MAP3K11: variants seen among roughly 807,000 people sequenced by gnomAD.
MAP3K11 encodes SH3 domain-containing proline-rich kinase.
Under a neutral mutation model 84.9 loss-of-function variants are expected in MAP3K11, and 46 were observed. The observed-to-expected ratio is 0.54, with a 90% CI of 0.43 to 0.69. MAP3K11 has a LOEUF of 0.69. Among genes scored for constraint, MAP3K11 ranks in the 30% least tolerant of loss-of-function variants. The pLI is 0.00. For synonymous variants in MAP3K11, 527 were observed against 514.7 expected, an observed-to-expected ratio of 1.02 and a Z score of -0.32; for missense variants, 1,053 against 1,198.3, an observed-to-expected ratio of 0.88 and a Z score of 1.79.
Position 65,606,720 on chromosome 11 carries a change from G to C in MAP3K11, c.1574C>G (p.Pro525Arg). The C allele has an allele frequency of 6.2e-7, 1 of 1,602,324 alleles. No homozygotes were observed. Among genetic ancestry groups the C allele is most frequent in the South Asian group, 1.1e-5 (1 of 88,652 alleles). The stretch of plus-strand genomic sequence containing the variant: ...GATGGCTCGGAACCGGGGAAAGGTG[G>C]GCGAATCCCCAGGCCCGACCTCGAA... Reference protein sequence around the residue: ...NVFEVGPGDSPTFPRFRAIQL... With the variant: ...NVFEVGPGDSRTFPRFRAIQL... Residue 525 changes from proline (P) to arginine (R), a missense_variant, in exon 6 of 10, where the codon CCC becomes CGC. Coordinates refer to ENST00000309100, the MANE Select transcript of MAP3K11 (RefSeq NM_002419.4).
chr11:65,599,852 A>G, intron 8 of MAP3K11, 84 bp from the exon 9 acceptor site: 2 of 1,460,390 alleles, frequency 1.4e-6, no homozygotes, highest in Non-Finnish European at 1.9e-6. Context: ...GTCTTGGAAC[A>G]AGGACTGAGT....
At position 65,599,754 on chromosome 11, in the gene MAP3K11, G is replaced by T. The variant is rs1208972864; in HGVS notation, c.1846C>A (p.Pro616Thr). 2 of 1,593,268 alleles carry T rather than the reference G, an allele frequency of 1.3e-6. No homozygotes were observed. The highest frequency in any genetic ancestry group is 1.7e-6 in the Non-Finnish European group (2 of 1,177,584). ...PPALNGNPPR[P>T]SLEPEEPKRP... The stretch of plus-strand genomic sequence containing the variant: ...TTGGGCTCCTCGGGCTCCAGGCTAG[G>T]CCGCGGGGGGTTACCTGCGGGCAGA... Residue 616 changes from proline to threonine, a missense_variant, in exon 9 of 10, where the codon CCT becomes ACT. Physicochemically the swap from Pro to Thr is conservative, Grantham distance 38 (BLOSUM62 -1). This residue lies in a region of MAP3K11 where 583 missense variants were observed against 566.6 expected (regional missense o/e 1.03). Coordinates refer to ENST00000309100, the MANE Select transcript of MAP3K11 (RefSeq NM_002419.4).
At chr11:65,606,131 C>A in intron 6 of MAP3K11, 50 bp from the exon 7 acceptor site, 1 of 1,524,152 alleles carries the variant, frequency 6.6e-7, no homozygotes, top group South Asian at 1.3e-5. Context: ...CTCCCTCCAT[C>A]ATCACAGTCA....
chr11:65,608,348 C>T lies in MAP3K11; in HGVS notation c.840G>A (p.Met280Ile). The T allele has an allele frequency of 6.2e-7, 1 of 1,614,210 alleles. No individual in the cohort carries two copies. Among genetic ancestry groups the T allele is most frequent in the Non-Finnish European group, 8.5e-7 (1 of 1,180,036 alleles). ...LAREWHKTTQ[M>I]SAAGTYAWMA... is the part of the protein sequence containing the mutation. ...TCCAGGCGTAGGTGCCCGCGGCACT[C>T]ATTTGTGTGGTTTTGTGCCACTCTC... is the stretch of plus-strand genomic sequence containing the variant. Residue 280 changes from methionine to isoleucine, a missense_variant, in exon 2 of 10, where the codon ATG becomes ATA. By Grantham distance (10) the Met-to-Ile change is conservative. Around this residue, in one of 3 missense-constraint regions of MAP3K11, gnomAD observed 310 missense variants for 464.5 expected, o/e 0.67. Coordinates refer to ENST00000309100, the MANE Select transcript of MAP3K11 (RefSeq NM_002419.4).
chr11:65,607,254 G>T lies in MAP3K11; in HGVS notation c.1489+16C>A. On this transcript the variant is annotated intron_variant, in intron 5 of 9. Transcript: ENST00000309100. Reference sequence around the variant, plus strand: ...CGCAGCCAATGGCGGGGGACGCCCCGGGGCCCGGCCCTCACCGAGTGGCAT... The same window carrying T: ...CGCAGCCAATGGCGGGGGACGCCCCTGGGCCCGGCCCTCACCGAGTGGCAT... 6.8e-7 allele frequency: 1 copy of T among 1,478,996 alleles called. No individual in the cohort carries two copies. Among genetic ancestry groups the T allele is most frequent in the Non-Finnish European group, 8.9e-7 (1 of 1,125,248 alleles). The allele number at this position is 1,478,996 out of a possible 1,614,324, so 91.6% of individuals were successfully genotyped here.
chr11:65,598,407 C>G lies in MAP3K11; in HGVS notation c.2428G>C (p.Asp810His). 1 of 1,584,080 alleles carries G rather than the reference C, an allele frequency of 6.3e-7. No individual in the cohort carries two copies. The highest frequency in any genetic ancestry group is 8.6e-7 in the Non-Finnish European group (1 of 1,162,382). ...RAPWTLFPDS[D>H]PFWDSPPANP... ...GCAGGTGGGGAGTCCCAGAAGGGGT[C>G]TGAGTCCGGGAACAAGGTCCAGGGT... Residue 810 changes from aspartate (D) to histidine (H), a missense_variant, in exon 10 of 10, where the codon GAC becomes CAC. Physicochemically the swap from Asp to His is moderately conservative, Grantham distance 81 (BLOSUM62 -1). Around this residue, in one of 3 missense-constraint regions of MAP3K11, gnomAD observed 583 missense variants for 566.6 expected, o/e 1.03. Transcript: ENST00000309100.
chr11:65,602,525 A>G (rs564313201), intron 8 of MAP3K11, among the ~76,000 whole-genome samples: 1 of 152,122 alleles, frequency 6.6e-6, no homozygotes, highest in Admixed American at 6.5e-5. Context: ...ACATGCCTGT[A>G]ATCCCTGCTA....
chr11:65,602,202 CAAAAAAA>C (rs34876918), intron 8 of MAP3K11, among the ~76,000 whole-genome samples: 2 of 90,304 alleles, frequency 2.2e-5, no homozygotes, highest in South Asian at 3.8e-4. Context: ...GACTCCATCT[CAAAAAAA>C]AAAAAAAAAA....
chr11:65,612,845 G>A (rs1309809449), intron 1 of MAP3K11, 173 bp downstream of exon 1: 3 of 594,470 alleles, frequency 5.0e-6, no homozygotes, highest in Non-Finnish European at 7.7e-6. Flanking sequence ...TCTGCTGGGT[G>A]CCTGGGGCTC....
rs2053248809 is a variant in MAP3K11 at position 65,607,400 on chromosome 11, G to C, written c.1359C>G (p.Phe453Leu). The C allele has an allele frequency of 6.7e-7, 1 of 1,501,290 alleles. No homozygotes were observed. Among genetic ancestry groups the C allele is most frequent in the African/African-American group, 1.4e-5 (1 of 71,038 alleles). 93.0% of individuals were successfully genotyped at this position (1,501,290 alleles called of 1,614,324 possible). Residue 453 changes from phenylalanine (F) to leucine (L), a missense_variant, in exon 5 of 10, where the codon TTC becomes TTG. Coordinates refer to ENST00000309100, the MANE Select transcript of MAP3K11 (RefSeq NM_002419.4). ...HLLAQWELEV[F>L]ERELTLLLQQ... ...GCAGCAGCAGCGTCAGCTCGCGCTC[G>C]AACACCTCTAGCTCCCACTGGGCCA...
chr11:65,613,919 G>C lies in MAP3K11; in HGVS notation c.-163C>G, dbSNP rs1353579492. ...TGGGGAGCCAGGAGTGTTGTCTCCC[G>C]GCCCCCCGCATCTCGGGCTTCTGGA... is the stretch of plus-strand genomic sequence containing the variant. On this transcript the variant is annotated 5_prime_UTR_variant, in exon 1 of 10. Transcript: ENST00000309100. 10 of 841,778 alleles carry C rather than the reference G, an allele frequency of 1.2e-5. No individual in the cohort carries two copies. The East Asian group carries it at 2.5e-4, about 21-fold the overall frequency. 52.1% of individuals were successfully genotyped at this position (841,778 alleles called of 1,614,324 possible).
At position 65,606,809 on chromosome 11, in the gene MAP3K11, G is replaced by A; in HGVS notation, c.1490-5C>T. The A allele has an allele frequency of 6.3e-7, 1 of 1,589,736 alleles. No individual in the cohort carries two copies. The highest frequency in any genetic ancestry group is 1.7e-4 in the Middle Eastern group (1 of 6,014). ...CGGTGATGCGGTGCTTGAAGTCTGG[G>A]ATTTGGGTTGGGGGGAGCAGGGTTC... On this transcript the variant is annotated splice_polypyrimidine_tract_variant and splice_region_variant and intron_variant, in intron 5 of 9. Coordinates refer to ENST00000309100, the MANE Select transcript of MAP3K11 (RefSeq NM_002419.4).
chr11:65,606,826 G>T (rs1363089593), intron 5 of MAP3K11, 22 bp from the exon 6 acceptor site: 1 of 1,518,348 alleles, frequency 6.6e-7, no homozygotes, highest in Non-Finnish European at 9.1e-7. Flanking sequence ...GTTGGGGGGA[G>T]CAGGGTTCAG....
chr11:65,598,552 C>T lies in MAP3K11; in HGVS notation c.2283G>A (p.Leu761=). ...GTPGTPRSPP[L]GLISRPRPSP... ...AGGGCCGAGGTCGGCTGATGAGGCC[C>T]AGGGGTGGTGAACGTGGGGTGCCTG... The change falls in exon 10 of 10, where the codon CTG becomes CTA. Residue 761 remains leucine (L), a synonymous_variant. Coordinates refer to ENST00000309100, the MANE Select transcript of MAP3K11 (RefSeq NM_002419.4). 6.2e-7 allele frequency: 1 copy of T among 1,609,064 alleles called. No homozygotes were observed. The highest frequency in any genetic ancestry group is 2.2e-5 in the East Asian group (1 of 44,720).
chr11:65,607,212 G>A lies in MAP3K11; in HGVS notation c.1489+58C>T, dbSNP rs912532058. ...CCCAGCGCGGTGAGCACACAGGCCTGGCTCCACCCCCACCCCCGCAGCCAA... is the reference window on the plus strand; with the variant it reads ...CCCAGCGCGGTGAGCACACAGGCCTAGCTCCACCCCCACCCCCGCAGCCAA... On this transcript the variant is annotated intron_variant, in intron 5 of 9. Coordinates refer to ENST00000309100, the MANE Select transcript of MAP3K11 (RefSeq NM_002419.4). The A allele has an allele frequency of 2.1e-6, 3 of 1,431,534 alleles. No homozygotes were observed. In the African/African-American group the frequency reaches 4.5e-5, roughly 22 times the overall value. 88.7% of individuals were successfully genotyped at this position (1,431,534 alleles called of 1,614,324 possible).
At chr11:65,606,997 A>G in intron 5 of MAP3K11, 193 bp from the exon 6 acceptor site, 1 of 576,896 alleles carries the variant, frequency 1.7e-6, no homozygotes, top group Middle Eastern at 4.5e-4. Context: ...TGAGTCGGAG[A>G]TGCCCTGGCG....
At chr11:65,605,448 C>A in intron 8 of MAP3K11, 1 of 235,594 alleles carries the variant, frequency 4.2e-6, no homozygotes. Context: ...TCTTTTCTCC[C>A]TGGAGCCTGC....
At chr11:65,611,789 C>G (rs1325572196) in intron 1 of MAP3K11, 5 of 152,404 alleles carry the variant, frequency 3.3e-5, no homozygotes, top group Non-Finnish European at 7.3e-5. Context: ...GTCCCCTCCC[C>G]CTGTGCCTTC....
At chr11:65,603,834 T>TA (rs1222060678) in intron 8 of MAP3K11, among the ~76,000 whole-genome samples, 1 of 152,258 alleles carries the variant, frequency 6.6e-6, no homozygotes, top group Non-Finnish European at 1.5e-5. Flanking sequence ...GAACAGTAAC[T>TA]ACCATGGTTT....
Sources: allele counts gnomAD v4.1 joint callset (sites outside exome capture counted in the v4.1 genomes callset), GRCh38; gene constraint gnomAD v4.1.1; regional missense constraint gnomAD v4.1.1; transcripts MANE v1.5; gene names NCBI Gene and HGNC (gene_info 2026-07-23, HGNC 2026-07-21).